The following DLG2 variants were observed in gnomAD, a reference collection of about 807,000 sequenced individuals.
DLG2 encodes disks large homolog 2.
In DLG2, 45 loss-of-function variants were observed where a neutral mutation model predicts 132.5. That is an observed-to-expected ratio of 0.34 (90% CI 0.27 to 0.44). The LOEUF (loss-of-function observed/expected upper bound fraction) is 0.44. Ranked by LOEUF, DLG2 falls within the 20% of genes least tolerant of loss-of-function variation. DLG2 has a pLI of 1.00. For synonymous variants in DLG2, 424 were observed against 419.6 expected (o/e 1.01, Z -0.13); for missense variants, 1,045 against 1,196.9 (o/e 0.87, Z 1.87).
At chr11:85,433,135 T>C (rs2091284703) in intron 3 of DLG2, among the ~76,000 whole-genome samples, 1 of 152,106 alleles carries the variant, frequency 6.6e-6, no homozygotes, top group Non-Finnish European at 1.5e-5. Context: ...TTCATCACCA[T>C]TAGGCCTGCT....
In DLG2 at chr11:83,672,887, C is replaced by G. The variant is rs373048149; in HGVS notation, c.1826-39562G>C. Among the ~76,000 whole-genome samples, 18 of 152,092 alleles carry G rather than the reference C, an allele frequency of 1.2e-4. No homozygotes were observed. The East Asian group carries it at 3.1e-3, about 26-fold the overall frequency. On this transcript the variant is annotated intron_variant, in intron 18 of 27. Coordinates refer to ENST00000376104, the MANE Select transcript of DLG2 (RefSeq NM_001142699.3). Reference sequence around the variant, plus strand: ...ACCAGCCTGACCAACATGGTGAAACCCGTCTCTACTAAAAATGCAAAAAAA... The same window carrying G: ...ACCAGCCTGACCAACATGGTGAAACGCGTCTCTACTAAAAATGCAAAAAAA...
chr11:84,091,436 T>C (rs2097092832), intron 10 of DLG2, among the ~76,000 whole-genome samples: 1 of 152,178 alleles, frequency 6.6e-6, no homozygotes, highest in Admixed American at 6.5e-5. Context: ...CTGGCGTGGG[T>C]CCACCTCTTG....
At chr11:85,233,476 G>C (rs1320267688) in intron 4 of DLG2, among the ~76,000 whole-genome samples, 1 of 151,824 alleles carries the variant, frequency 6.6e-6, no homozygotes, top group Non-Finnish European at 1.5e-5. Flanking sequence ...ATTTATAGCA[G>C]CCATTAATAA....
chr11:83,484,010 C>A, intron 22 of DLG2, 119 bp downstream of exon 22: 1 of 780,058 alleles, frequency 1.3e-6, no homozygotes, highest in Non-Finnish European at 2.2e-6. Context: ...ACCTGCCCTG[C>A]CTGCCTGCTG....
chr11:84,248,160 T>A (rs558453728), intron 8 of DLG2, among the ~76,000 whole-genome samples: 1 of 151,794 alleles, frequency 6.6e-6, no homozygotes, highest in Non-Finnish European at 1.5e-5. Flanking sequence ...AAGGGGAGAG[T>A]TGGGACTCTG....
At chr11:84,731,564 T>A (rs566297304) in intron 6 of DLG2, among the ~76,000 whole-genome samples, 1 of 151,612 alleles carries the variant, frequency 6.6e-6, no homozygotes, top group African/African-American at 2.4e-5. Context: ...ATAGAGGGAA[T>A]AGGATATACA....
chr11:83,640,007 G>C (rs137914841), intron 18 of DLG2, among the ~76,000 whole-genome samples: 1 of 152,268 alleles, frequency 6.6e-6, no homozygotes, highest in Non-Finnish European at 1.5e-5. Flanking sequence ...GGTGACTCCT[G>C]TCAGGACAAA....
chr11:85,145,484 C>A (rs376220826), intron 5 of DLG2, among the ~76,000 whole-genome samples: 115 of 152,086 alleles, frequency 7.6e-4, no homozygotes, highest in African/African-American at 2.5e-3. Flanking sequence ...AGACTGTTTT[C>A]TAGATCTCAT....
chr11:83,913,973 C>A (rs1407002957), intron 15 of DLG2, among the ~76,000 whole-genome samples: 1 of 152,088 alleles, frequency 6.6e-6, no homozygotes, highest in African/African-American at 2.4e-5. Context: ...TTCAGATGAG[C>A]AGTGATTCTA....
At chr11:85,529,856 T>C (rs1178508465) in intron 3 of DLG2, among the ~76,000 whole-genome samples, 1 of 152,220 alleles carries the variant, frequency 6.6e-6, no homozygotes, top group African/African-American at 2.4e-5. Flanking sequence ...TTTGTCTTTA[T>C]CTACTAGTCA....
At chr11:85,314,236 T>C (rs1198960299) in intron 3 of DLG2, among the ~76,000 whole-genome samples, 2 of 152,056 alleles carry the variant, frequency 1.3e-5, no homozygotes, top group African/African-American at 4.8e-5. Context: ...CTGTTTCCTT[T>C]TGGTATTCTG....
chr11:84,364,993 C>A (rs2098673158), intron 7 of DLG2, among the ~76,000 whole-genome samples: 1 of 151,978 alleles, frequency 6.6e-6, no homozygotes, highest in African/African-American at 2.4e-5. Flanking sequence ...TGTGTCTCTG[C>A]CTGGCTTTGG....
At chr11:85,312,695 T>TG (rs951786962) in intron 3 of DLG2, among the ~76,000 whole-genome samples, 7 of 152,020 alleles carry the variant, frequency 4.6e-5, no homozygotes, top group African/African-American at 1.7e-4. Flanking sequence ...CCTAGGAGCT[T>TG]GAAAAAGTAA....
chr11:85,361,164 C>CT (rs1343683884), intron 3 of DLG2, among the ~76,000 whole-genome samples: 2 of 152,026 alleles, frequency 1.3e-5, no homozygotes, highest in African/African-American at 2.4e-5. Context: ...GGTCCACAAA[C>CT]TTTTTTCTTT....
At chr11:84,869,179 A>G (rs1334621524) in intron 6 of DLG2, among the ~76,000 whole-genome samples, 1 of 152,234 alleles carries the variant, frequency 6.6e-6, no homozygotes. Context: ...AATTGAACAT[A>G]CAAGTCACTG....
At chr11:85,304,671 A>G (rs140619124) in intron 3 of DLG2, among the ~76,000 whole-genome samples, 1 of 152,306 alleles carries the variant, frequency 6.6e-6, no homozygotes, top group African/African-American at 2.4e-5. Context: ...ATTGAAATCC[A>G]AAACACTTCT....
intron 18 of DLG2, among the ~76,000 whole-genome samples, chr11:83,759,875 G>C (rs762343397): frequency 6.6e-6 from 1 of 152,144 alleles, no homozygotes; most frequent in African/African-American, 2.4e-5. Context: ...ATAATTACCA[G>C]CTCAGCTCAG....
chr11:85,310,335 A>C (rs1294549961), intron 3 of DLG2, among the ~76,000 whole-genome samples: 5 of 152,190 alleles, frequency 3.3e-5, no homozygotes, highest in African/African-American at 1.2e-4. Context: ...AAAGATAACC[A>C]ATCCCTCATT....
At position 84,582,292 on chromosome 11, in the gene DLG2, A is replaced by C. The variant is rs187408911; in HGVS notation, c.358-47561T>G. On this transcript the variant is annotated intron_variant, in intron 6 of 27. Transcript: ENST00000376104. ...GGGATCAAAATTATACAAATCTTGA[A>C]GGTGGCGAATATATATATATATTTT... Among the ~76,000 whole-genome samples the C allele has an allele frequency of 3.1e-3, 464 of 151,194 alleles. 9 individuals are homozygous for C. Among genetic ancestry groups the C allele is most frequent in the Admixed American group, 0.028 (420 of 15,160 alleles).
Sources: gnomAD v4.1 joint callset for allele counts (sites outside exome capture counted in the v4.1 genomes callset) on GRCh38, gnomAD v4.1.1 for gene constraint, MANE v1.5 for transcripts, NCBI Gene and HGNC (gene_info 2026-07-23, HGNC 2026-07-21) for gene names.